Variants in SYNGR1 observed in about 807,000 individuals in gnomAD.
SYNGR1 encodes synaptogyrin-1.
In SYNGR1, 14 loss-of-function variants were observed where a neutral mutation model predicts 26.1. The observed-to-expected ratio is 0.54, with a 90% CI of 0.35 to 0.84. The LOEUF (loss-of-function observed/expected upper bound fraction) is 0.84. Ranked by LOEUF, SYNGR1 falls within the 40% of genes least tolerant of loss-of-function variation. The probability of loss-of-function intolerance (pLI) is 0.01; values close to 1 mark genes in which losing one functional copy is unlikely to be tolerated. For missense variants in SYNGR1, 319 were observed against 332.9 expected (o/e 0.96, Z 0.33); for synonymous variants, 141 against 150.1 (o/e 0.94, Z 0.44).
intron 3 of SYNGR1, among the ~76,000 whole-genome samples, chr22:39,381,323 A>G (rs1344733738): frequency 6.6e-6 from 1 of 152,232 alleles, no homozygotes; most frequent in Non-Finnish European, 1.5e-5. Context: ...AGATGCTAAC[A>G]GTCCTTTGTC....
Position 39,384,529 on chromosome 22 carries a change from G to A in SYNGR1, c.*2615G>A, listed in dbSNP as rs976809101. ...TGAGAGAGGGTGAGAGATGGAGGGC[G>A]AGATTTGGATGGGACCCAGGGCTCC... On this transcript the variant is annotated 3_prime_UTR_variant, in exon 4 of 4. Coordinates refer to ENST00000328933, the MANE Select transcript of SYNGR1 (RefSeq NM_004711.5). 18 of 398,852 alleles carry A rather than the reference G, an allele frequency of 4.5e-5. No homozygotes were observed. The highest frequency in any genetic ancestry group is 2.5e-4 in the South Asian group (2 of 7,852). The allele number at this position is 398,852 out of a possible 1,614,324, so 24.7% of individuals were successfully genotyped here. A position where few individuals can be genotyped will look rare whatever the true frequency, so the allele number is the denominator to read the frequency against.
chr22:39,355,183 A>C (rs1423187449), intron 1 of SYNGR1, among the ~76,000 whole-genome samples: 5 of 152,132 alleles, frequency 3.3e-5, no homozygotes, highest in African/African-American at 1.2e-4. Flanking sequence ...GGCCCAGGAG[A>C]GGCTTGGATG....
In SYNGR1 at chr22:39,355,922, G is replaced by A. The variant is rs1265391739; in HGVS notation, c.99+5813G>A. 2.0e-5 allele frequency among the ~76,000 whole-genome samples: 3 copies of A among 152,272 alleles called. No homozygotes were observed. The East Asian group carries it at 5.8e-4, about 29-fold the overall frequency. On this transcript the variant is annotated intron_variant, in intron 1 of 3. Coordinates refer to ENST00000328933, the MANE Select transcript of SYNGR1 (RefSeq NM_004711.5). Reference sequence around the variant, plus strand: ...TAGTCCCAGCTACTTGGGAGGCTGAGGCATGAGTATCGCTTAAGCCCGAGA... The same window carrying A: ...TAGTCCCAGCTACTTGGGAGGCTGAAGCATGAGTATCGCTTAAGCCCGAGA...
chr22:39,360,060 C>G (rs1263962542), intron 1 of SYNGR1, among the ~76,000 whole-genome samples: 1 of 152,214 alleles, frequency 6.6e-6, no homozygotes, highest in African/African-American at 2.4e-5. Flanking sequence ...TTCTGCGCAT[C>G]ACACTCGCCT....
rs1925611718 is a variant in SYNGR1 at position 39,384,952 on chromosome 22, G to A, written c.*3038G>A. ...CAGTCACAGACTGTCCTGCCTGCAC[G>A]GCTCCTATCCACCTGGGGGTGTCGC... On this transcript the variant is annotated 3_prime_UTR_variant, in exon 4 of 4. Coordinates refer to ENST00000328933, the MANE Select transcript of SYNGR1 (RefSeq NM_004711.5). 5 of 398,926 alleles carry A rather than the reference G, an allele frequency of 1.3e-5. No individual in the cohort carries two copies. Among genetic ancestry groups the A allele is most frequent in the African/African-American group, 2.1e-5 (1 of 48,738 alleles). 24.7% of individuals were successfully genotyped at this position (398,926 alleles called of 1,614,324 possible).
At position 39,377,722 on chromosome 22, in the gene SYNGR1, G is replaced by C. The variant is rs750472442; in HGVS notation, c.483+1525G>C. The C allele has an allele frequency of 1.9e-6, 3 of 1,608,878 alleles. No individual in the cohort carries two copies. The African/African-American group carries it at 4.0e-5, about 21-fold the overall frequency. ...CCGGCTTGCAGAGGCCGGCAGCCCT[G>C]TATCACCCCTGGCAGTGAGGTGGCA... On this transcript the variant is annotated intron_variant, in intron 3 of 3. Coordinates refer to ENST00000328933, the MANE Select transcript of SYNGR1 (RefSeq NM_004711.5).
intron 1 of SYNGR1, among the ~76,000 whole-genome samples, chr22:39,366,604 C>A (rs1322969621): frequency 6.6e-6 from 1 of 152,048 alleles, no homozygotes; most frequent in African/African-American, 2.4e-5. Context: ...TGAGATTGCG[C>A]CCCTGCACTC....
At chr22:39,351,698 C>A (rs1449031881) in intron 1 of SYNGR1, among the ~76,000 whole-genome samples, 2 of 152,240 alleles carry the variant, frequency 1.3e-5, no homozygotes, top group Non-Finnish European at 2.9e-5. Context: ...CCTCTGATGC[C>A]TTCATTTAGC....
At chr22:39,361,708 C>T (rs1228858019) in intron 1 of SYNGR1, among the ~76,000 whole-genome samples, 6 of 151,818 alleles carry the variant, frequency 4.0e-5, no homozygotes, top group East Asian at 1.9e-4. Context: ...CCTCAGTGGC[C>T]GCATCTATAA....
At chr22:39,356,379 C>T (rs547216009) in intron 1 of SYNGR1, among the ~76,000 whole-genome samples, 2 of 152,194 alleles carry the variant, frequency 1.3e-5, no homozygotes, top group East Asian at 1.9e-4. Context: ...AAAGGCCTGC[C>T]GTAAGTCTGC....
chr22:39,369,173 GTTCCC>G (rs1924905958), intron 1 of SYNGR1, among the ~76,000 whole-genome samples: 1 of 152,268 alleles, frequency 6.6e-6, no homozygotes, highest in South Asian at 2.1e-4. Context: ...TGGGCCTCAG[GTTCCC>G]AACCTGACAG....
Position 39,381,761 on chromosome 22 carries a change from G to A in SYNGR1, c.549G>A (p.Gln183=). 1.9e-6 allele frequency: 3 copies of A among 1,613,428 alleles called. No individual in the cohort carries two copies. The highest frequency in any genetic ancestry group is 2.5e-6 in the Non-Finnish European group (3 of 1,179,994). Residue 183 remains glutamine (Q), a synonymous_variant, in exon 4 of 4, where the codon CAG becomes CAA. Coordinates refer to ENST00000328933, the MANE Select transcript of SYNGR1 (RefSeq NM_004711.5). ...GCGCCGACTCGGCCCTCTTCTCCCA[G>A]GACTACATGGACCCCAGCCAGGACT... ...QIGADSALFS[Q]DYMDPSQDSS...
At chr22:39,359,988 C>A (rs543257753) in intron 1 of SYNGR1, among the ~76,000 whole-genome samples, 1 of 152,208 alleles carries the variant, frequency 6.6e-6, no homozygotes, top group Admixed American at 6.5e-5. Flanking sequence ...GCCCTCACCA[C>A]CCCTTGGTCC....
Position 39,364,076 on chromosome 22 carries a change from A to C in SYNGR1, c.100-10240A>C, listed in dbSNP as rs77719775. The C allele has an allele frequency of 0.012, 18,834 of 1,558,582 alleles. 1,894 individuals are homozygous for C. The African/African-American group carries it at 0.22, about 19-fold the overall frequency. ...CGACGCCCTGCAGTGGGTCCTAGGC[A>C]CACCCTGGGTGGTCTGTCTGCAGAG... On this transcript the variant is annotated intron_variant, in intron 1 of 3. Transcript: ENST00000328933.
chr22:39,367,348 G>A (rs1924808865), intron 1 of SYNGR1, among the ~76,000 whole-genome samples: 1 of 152,258 alleles, frequency 6.6e-6, no homozygotes, highest in African/African-American at 2.4e-5. Flanking sequence ...CAGCAAAGTA[G>A]GTTGTAGCTC....
In SYNGR1 at chr22:39,385,061, G is replaced by C. The variant is rs1925616663; in HGVS notation, c.*3147G>C. The C allele has an allele frequency of 2.5e-6, 1 of 398,734 alleles. No homozygotes were observed. Among genetic ancestry groups the C allele is most frequent in the Non-Finnish European group, 4.4e-6 (1 of 226,088 alleles). 24.7% of individuals were successfully genotyped at this position (398,734 alleles called of 1,614,324 possible). On this transcript the variant is annotated 3_prime_UTR_variant, in exon 4 of 4. Coordinates refer to ENST00000328933, the MANE Select transcript of SYNGR1 (RefSeq NM_004711.5). ...TGATTCTTGATCTTCAAAGCCTCGG[G>C]GATCCCAGGTTTCCCCATGTAACTG...
intron 2 of SYNGR1, chr22:39,375,666 G>A: frequency 1.8e-6 from 1 of 563,914 alleles, no homozygotes; most frequent in Non-Finnish European, 3.1e-6. Context: ...GGGTGGACCG[G>A]GGGGGCCCAC....
intron 3 of SYNGR1, among the ~76,000 whole-genome samples, chr22:39,380,300 GCA>G (rs1183526256): frequency 1.3e-5 from 2 of 152,160 alleles, no homozygotes; most frequent in Non-Finnish European, 2.9e-5. Context: ...AGGTTCAGCA[GCA>G]GGTGACCGAA....
At chr22:39,366,570 C>T (rs761853311) in intron 1 of SYNGR1, among the ~76,000 whole-genome samples, 10 of 152,068 alleles carry the variant, frequency 6.6e-5, no homozygotes, top group Non-Finnish European at 1.3e-4. Flanking sequence ...CACTTGAACC[C>T]GGGAGGCGGA....
Sources: gnomAD v4.1 joint callset for allele counts (sites outside exome capture counted in the v4.1 genomes callset) on GRCh38, gnomAD v4.1.1 for gene constraint, MANE v1.5 for transcripts, NCBI Gene and HGNC (gene_info 2026-07-23, HGNC 2026-07-21) for gene names.